MGRN1: variants seen among roughly 807,000 people sequenced by gnomAD.
The protein encoded by MGRN1 is E3 ubiquitin-protein ligase MGRN1.
A neutral mutation model predicts 69.2 loss-of-function variants in MGRN1; 29 were observed. The observed-to-expected ratio is 0.42, with a 90% CI of 0.31 to 0.57. MGRN1 has a LOEUF of 0.57. MGRN1 is among the 20% of genes least tolerant of loss of function. The pLI, the probability that MGRN1 is intolerant of heterozygous loss-of-function variation, is 0.15. For missense variants in MGRN1, 998 were observed against 796.2 expected (o/e 1.25, Z -3.05); for synonymous variants, 470 against 344.2 (o/e 1.37, Z -4.04).
At chr16:4,652,957 C>T (rs1478129076) in intron 4 of MGRN1, 133 bp downstream of exon 4, 4 of 1,204,052 alleles carry the variant, frequency 3.3e-6, no homozygotes, top group Admixed American at 6.8e-5. Context: ...GACTTTACCA[C>T]GATGTGAGGG....
At chr16:4,688,538 C>T (rs1469376735) in intron 16 of MGRN1, 4 of 1,256,210 alleles carry the variant, frequency 3.2e-6, no homozygotes, top group African/African-American at 1.5e-5. Flanking sequence ...CGCGCTCTGA[C>T]TCGGGGCTGC....
intron 9 of MGRN1, 93 bp downstream of exon 9, chr16:4,671,552 C>T (rs1326552032): frequency 8.3e-7 from 1 of 1,202,356 alleles, no homozygotes; most frequent in African/African-American, 1.5e-5. Flanking sequence ...CCTTCCATGC[C>T]TTCCCCTGGA....
At position 4,632,091 on chromosome 16, in the gene MGRN1, T is replaced by G. The variant is rs115863178; in HGVS notation, c.88+7043T>G. ...GGGCAATGGCGCAATCTTGACTCAC[T>G]CCAACCTCTGCCTCGCAGGTTCAAG... is the stretch of plus-strand genomic sequence containing the variant. On this transcript the variant is annotated intron_variant, in intron 1 of 16. Coordinates refer to ENST00000262370, the MANE Select transcript of MGRN1 (RefSeq NM_015246.4). Among the ~76,000 whole-genome samples, 1,101 of 136,030 alleles carry G rather than the reference T, an allele frequency of 8.1e-3. 26 individuals are homozygous for G. Among genetic ancestry groups the G allele is most frequent in the African/African-American group, 0.028 (1,039 of 36,700 alleles). 89.2% of individuals were successfully genotyped at this position (136,030 alleles called of 152,430 possible). A position where few individuals can be genotyped will look rare whatever the true frequency, so the allele number is the denominator to read the frequency against.
At chr16:4,652,283 G>C (rs1343910312) in intron 3 of MGRN1, among the ~76,000 whole-genome samples, 3 of 152,164 alleles carry the variant, frequency 2.0e-5, no homozygotes, top group Admixed American at 2.0e-4. Flanking sequence ...GGCAGTGTCT[G>C]GAGGCAGCCA....
chr16:4,658,821 AC>A (rs1405760417), intron 5 of MGRN1: 9 of 152,202 alleles, frequency 5.9e-5, no homozygotes, highest in African/African-American at 2.2e-4. Context: ...CCTGAGTAAA[AC>A]CTTGTCTCTA....
chr16:4,668,522 AAC>A (rs770069149), intron 8 of MGRN1, among the ~76,000 whole-genome samples: 26 of 151,748 alleles, frequency 1.7e-4, no homozygotes, highest in African/African-American at 4.4e-4. Context: ...TAGACACATA[AAC>A]ACACAGACAC....
At chr16:4,658,090 G>C (rs2078593072) in intron 5 of MGRN1, among the ~76,000 whole-genome samples, 1 of 151,960 alleles carries the variant, frequency 6.6e-6, no homozygotes, top group Non-Finnish European at 1.5e-5. Flanking sequence ...TGCGGCTTGA[G>C]TGGCTGCTTT....
At chr16:4,661,924 A>G (rs1308379290) in intron 5 of MGRN1, among the ~76,000 whole-genome samples, 1 of 152,188 alleles carries the variant, frequency 6.6e-6, no homozygotes, top group Non-Finnish European at 1.5e-5. Context: ...TTAGCTCCAG[A>G]TGGCAGGAAG....
Position 4,653,474 on chromosome 16 carries a change from GGTTTTTGTTTT to G in MGRN1, c.443+667_443+677del, listed in dbSNP as rs936849089. Among the ~76,000 whole-genome samples the G allele has an allele frequency of 5.3e-5, 8 of 152,266 alleles. No homozygotes were observed. The East Asian group carries it at 9.6e-4, about 18-fold the overall frequency. The stretch of plus-strand genomic sequence containing the variant: ...GGGGCTGGGCTGAAATTCAGTTCCA[GGTTTTTGTTTT>G]GTTTTTGTTTTGTTTTGTTTTGAGA... On this transcript the variant is annotated intron_variant, in intron 4 of 16. Coordinates refer to ENST00000262370, the MANE Select transcript of MGRN1 (RefSeq NM_015246.4).
chr16:4,641,027 G>C (rs896254209), intron 1 of MGRN1, among the ~76,000 whole-genome samples: 3 of 152,186 alleles, frequency 2.0e-5, no homozygotes, highest in Non-Finnish European at 2.9e-5. Flanking sequence ...GAGCCTGGTG[G>C]GTGTGGTTCC....
rs145274532 is a variant in MGRN1, at chr16:4,652,391, A to C, written c.297-287A>C. On this transcript the variant is annotated intron_variant, in intron 3 of 16. Transcript: ENST00000262370. ...CCACAGACAGGAATGACCCAGCACC[A>C]GATTTCAGCAGGTTCAGAAACTGCT... Among the ~76,000 whole-genome samples the C allele has an allele frequency of 3.7e-3, 570 of 152,188 alleles. 2 individuals carry two copies. The highest frequency in any genetic ancestry group is 5.5e-3 in the Non-Finnish European group (375 of 67,992).
chr16:4,675,807 TG>T (rs1472359020), intron 10 of MGRN1, among the ~76,000 whole-genome samples: 1 of 152,068 alleles, frequency 6.6e-6, no homozygotes, highest in Admixed American at 6.5e-5. Context: ...GGAATTAAAT[TG>T]GGTTTTCTAG....
At position 4,689,033 on chromosome 16, in the gene MGRN1, G is replaced by A; in HGVS notation, c.*125G>A. 7.6e-7 allele frequency: 1 copy of A among 1,318,048 alleles called. No homozygotes were observed. The highest frequency in any genetic ancestry group is 1.6e-5 in the South Asian group (1 of 64,314). 81.6% of individuals were successfully genotyped at this position (1,318,048 alleles called of 1,614,324 possible). A position where few individuals can be genotyped will look rare whatever the true frequency, so the allele number is the denominator to read the frequency against. ...CCCTGTGGCCACCAGGCTCCGAGGG[G>A]CCGTGGTGACTCTTGATCAAAGAGC... On this transcript the variant is annotated 3_prime_UTR_variant, in exon 17 of 17. Transcript: ENST00000262370.
chr16:4,675,919 C>T (rs78938798), intron 10 of MGRN1, among the ~76,000 whole-genome samples: 2,397 of 152,284 alleles, frequency 0.016, 33 homozygotes, highest in Non-Finnish European at 0.025. Context: ...GGTGAAAAAA[C>T]GACCAGGTCA....
intron 1 of MGRN1, among the ~76,000 whole-genome samples, chr16:4,646,829 G>A (rs2078284548): frequency 6.6e-6 from 1 of 152,194 alleles, no homozygotes; most frequent in Non-Finnish European, 1.5e-5. Flanking sequence ...TGCCTTGAAG[G>A]TGCCCTGGGA....
At chr16:4,626,228 G>A (rs1337838068) in intron 1 of MGRN1, among the ~76,000 whole-genome samples, 1 of 152,218 alleles carries the variant, frequency 6.6e-6, no homozygotes, top group African/African-American at 2.4e-5. Context: ...GATGGACTCA[G>A]AGCTAGGCAG....
Position 4,665,001 on chromosome 16 carries a change from G to A in MGRN1, c.629-101G>A, listed in dbSNP as rs1048501050. 3.6e-6 allele frequency: 5 copies of A among 1,393,706 alleles called. No homozygotes were observed. In the African/African-American group the frequency reaches 5.7e-5, roughly 16 times the overall value. The allele number at this position is 1,393,706 out of a possible 1,614,324, so 86.3% of individuals were successfully genotyped here. A position where few individuals can be genotyped will look rare whatever the true frequency, so the allele number is the denominator to read the frequency against. The stretch of plus-strand genomic sequence containing the variant: ...TCAGGACTCTATGGACTCTGTGCAG[G>A]CTGAGCCCTCGGTGCCGCAGGCCTA... On this transcript the variant is annotated intron_variant, in intron 6 of 16. Coordinates refer to ENST00000262370, the MANE Select transcript of MGRN1 (RefSeq NM_015246.4).
chr16:4,653,496 T>C (rs987942980), intron 4 of MGRN1, among the ~76,000 whole-genome samples: 2 of 151,432 alleles, frequency 1.3e-5, no homozygotes, highest in Non-Finnish European at 2.9e-5. Context: ...GTTTTTGTTT[T>C]GTTTTGTTTT....
intron 5 of MGRN1, among the ~76,000 whole-genome samples, chr16:4,660,609 C>T (rs564792252): frequency 3.9e-5 from 6 of 152,290 alleles, no homozygotes; most frequent in Admixed American, 6.5e-5. Flanking sequence ...GGCAGGGGCG[C>T]GGGGGTGGAT....
Sources: allele counts gnomAD v4.1 joint callset (sites outside exome capture counted in the v4.1 genomes callset), GRCh38; gene constraint gnomAD v4.1.1; transcripts MANE v1.5; gene names NCBI Gene and HGNC (gene_info 2026-07-23, HGNC 2026-07-21).